Variants in TMTC1 observed in about 807,000 individuals in gnomAD.
TMTC1 encodes the protein transmembrane O-mannosyltransferase targeting cadherins 1, also known as protein O-mannosyl-transferase TMTC1.
TMTC1 carries 73 observed loss-of-function variants against 104.8 expected under a neutral mutation model. The ratio of observed to expected loss-of-function variants is 0.70; its 90% CI spans 0.58 to 0.85. TMTC1 has a LOEUF of 0.85. Ranked by LOEUF, TMTC1 falls within the 40% of genes least tolerant of loss-of-function variation. The probability of loss-of-function intolerance (pLI) is 0.00; values close to 1 mark genes in which losing one functional copy is unlikely to be tolerated. For synonymous variants in TMTC1, 434 were observed against 428.7 expected (o/e 1.01, Z -0.15); for missense variants, 1,035 against 1,096.1 (o/e 0.94, Z 0.79).
At chr12:29,633,412 T>C in intron 5 of TMTC1, 76 bp from the exon 6 acceptor site, 1 of 1,243,726 alleles carries the variant, frequency 8.0e-7, no homozygotes, top group Admixed American at 2.4e-5. Flanking sequence ...CACCATATTT[T>C]TATTAAATAG....
intron 5 of TMTC1, among the ~76,000 whole-genome samples, chr12:29,700,196 T>G (rs541179850): frequency 1.3e-5 from 2 of 150,850 alleles, no homozygotes; most frequent in Non-Finnish European, 3.0e-5. Flanking sequence ...TTACAGGCAC[T>G]CCCCACCATG....
At chr12:29,672,087 C>T (rs2136683658) in intron 5 of TMTC1, among the ~76,000 whole-genome samples, 1 of 152,256 alleles carries the variant, frequency 6.6e-6, no homozygotes, top group East Asian at 1.9e-4. Context: ...AAGTTCCAAT[C>T]CCTGGAAGCT....
intron 10 of TMTC1, among the ~76,000 whole-genome samples, chr12:29,554,726 C>T (rs2136250967): frequency 6.6e-6 from 1 of 152,114 alleles, no homozygotes; most frequent in Non-Finnish European, 1.5e-5. Flanking sequence ...AAAAGCTTAG[C>T]CAGCCATGGG....
chr12:29,612,960 G>A (rs1056402215), intron 6 of TMTC1, among the ~76,000 whole-genome samples: 13 of 152,134 alleles, frequency 8.5e-5, no homozygotes, highest in Non-Finnish European at 1.6e-4. Context: ...GACCACAGGG[G>A]TTCAATGAAT....
intron 5 of TMTC1, among the ~76,000 whole-genome samples, chr12:29,726,715 C>T (rs1364554997): frequency 6.6e-6 from 1 of 152,172 alleles, no homozygotes; most frequent in African/African-American, 2.4e-5. Context: ...TGGTTAAATG[C>T]TGGCCATACC....
chr12:29,695,989 A>T (rs540021755), intron 5 of TMTC1, among the ~76,000 whole-genome samples: 2 of 151,810 alleles, frequency 1.3e-5, no homozygotes, highest in Admixed American at 1.3e-4. Context: ...GAATTTTCCA[A>T]ATTTTTCTCT....
chr12:29,620,388 C>T (rs1947099603), intron 6 of TMTC1, among the ~76,000 whole-genome samples: 1 of 152,092 alleles, frequency 6.6e-6, no homozygotes, highest in African/African-American at 2.4e-5. Flanking sequence ...ACTCAACATG[C>T]ATGCAGGAGC....
chr12:29,689,371 G>A (rs1941195749), intron 5 of TMTC1, among the ~76,000 whole-genome samples: 1 of 152,030 alleles, frequency 6.6e-6, no homozygotes, highest in African/African-American at 2.4e-5. Context: ...CTGGAGTGCA[G>A]TGGCATGATA....
chr12:29,599,954 ATG>A lies in TMTC1; in HGVS notation c.1250+4222_1250+4223del, dbSNP rs1205576166. Reference sequence around the variant, plus strand: ...TGTATATATATGTGTGTGTATATATATGTGTATATATATATGTGTGTGTGTGT... The same window carrying A: ...TGTATATATATGTGTGTGTATATATATGTATATATATATGTGTGTGTGTGT... On this transcript the variant is annotated intron_variant, in intron 7 of 17. Transcript: ENST00000539277. 4.2e-5 allele frequency among the ~76,000 whole-genome samples: 6 copies of A among 144,538 alleles called. No homozygotes were observed. The East Asian group carries it at 1.0e-3, about 24-fold the overall frequency. 94.8% of individuals were successfully genotyped at this position (144,538 alleles called of 152,430 possible).
intron 7 of TMTC1, among the ~76,000 whole-genome samples, chr12:29,600,897 T>A (rs1443248378): frequency 6.6e-6 from 1 of 152,294 alleles, no homozygotes; most frequent in South Asian, 2.1e-4. Context: ...GTGATAATGC[T>A]GCAAGGCATA....
At chr12:29,638,097 G>A (rs1591839017) in intron 5 of TMTC1, among the ~76,000 whole-genome samples, 1 of 152,024 alleles carries the variant, frequency 6.6e-6, no homozygotes, top group South Asian at 2.1e-4. Context: ...GGGGTCCCTG[G>A]CTAGGGCTCT....
rs369756143 is a variant in TMTC1 at position 29,738,564 on chromosome 12, C to A, written c.938+13102G>T. ...CCAGAAAAAGATATTTACTTCACATCTGCTCATTTTCTTTGCCAAGAAGAA... is the reference window on the plus strand; with the variant it reads ...CCAGAAAAAGATATTTACTTCACATATGCTCATTTTCTTTGCCAAGAAGAA... On this transcript the variant is annotated intron_variant, in intron 5 of 17. Coordinates refer to ENST00000539277, the MANE Select transcript of TMTC1 (RefSeq NM_001193451.2). 5.9e-5 allele frequency among the ~76,000 whole-genome samples: 9 copies of A among 152,314 alleles called. 1 individual carries two copies. The East Asian group carries it at 1.7e-3, about 29-fold the overall frequency.
At chr12:29,650,191 TCTC>T (rs1194892463) in intron 5 of TMTC1, among the ~76,000 whole-genome samples, 1 of 151,974 alleles carries the variant, frequency 6.6e-6, no homozygotes, top group Non-Finnish European at 1.5e-5. Flanking sequence ...TTCAAGCCAT[TCTC>T]CTGCCTCAGC....
chr12:29,591,619 A>G (rs952314222), intron 7 of TMTC1, among the ~76,000 whole-genome samples: 1 of 152,222 alleles, frequency 6.6e-6, no homozygotes, highest in Admixed American at 6.5e-5. Flanking sequence ...TGACACTCAG[A>G]GACACCTCTC....
chr12:29,564,123 G>A (rs150467171), intron 9 of TMTC1, among the ~76,000 whole-genome samples: 8 of 152,324 alleles, frequency 5.3e-5, no homozygotes, highest in African/African-American at 1.9e-4. Context: ...ATTTTATTCT[G>A]GCTGAAGCAG....
At chr12:29,740,914 CAT>C (rs1273635214) in intron 5 of TMTC1, among the ~76,000 whole-genome samples, 1 of 152,212 alleles carries the variant, frequency 6.6e-6, no homozygotes, top group Admixed American at 6.5e-5. Flanking sequence ...GTGTTCAACA[CAT>C]GTCCTCAAGT....
In TMTC1 at chr12:29,693,205, G is replaced by C. The variant is rs1941315971; in HGVS notation, c.938+58461C>G. Among the ~76,000 whole-genome samples the C allele has an allele frequency of 1.4e-5, 2 of 144,464 alleles. 1 individual carries two copies. Among genetic ancestry groups the C allele is most frequent in the Non-Finnish European group, 3.0e-5 (2 of 66,064 alleles). The allele number at this position is 144,464 out of a possible 152,430, so 94.8% of individuals were successfully genotyped here. Reference sequence around the variant, plus strand: ...TGTACTGATCAAATCAGCTGTAAAAGTTTTGAAAATGTTCAAAGTTCTTGT... The same window carrying C: ...TGTACTGATCAAATCAGCTGTAAAACTTTTGAAAATGTTCAAAGTTCTTGT... On this transcript the variant is annotated intron_variant, in intron 5 of 17. Transcript: ENST00000539277.
Position 29,650,915 on chromosome 12 carries a change from A to T in TMTC1, c.939-17579T>A, listed in dbSNP as rs1463091397. Among the ~76,000 whole-genome samples the T allele has an allele frequency of 2.0e-5, 3 of 152,258 alleles. No homozygotes were observed. In the South Asian group the frequency reaches 6.2e-4, roughly 32 times the overall value. On this transcript the variant is annotated intron_variant, in intron 5 of 17. Coordinates refer to ENST00000539277, the MANE Select transcript of TMTC1 (RefSeq NM_001193451.2). Reference sequence around the variant, plus strand: ...AAAAGCTAGACCTGGAATTTCCCTCAGAAAGAAAACGATCTTCTTCAACAT... The same window carrying T: ...AAAAGCTAGACCTGGAATTTCCCTCTGAAAGAAAACGATCTTCTTCAACAT...
At chr12:29,663,416 C>T (rs1940124543) in intron 5 of TMTC1, among the ~76,000 whole-genome samples, 1 of 152,106 alleles carries the variant, frequency 6.6e-6, no homozygotes, top group Non-Finnish European at 1.5e-5. Flanking sequence ...CCTCAAGTTC[C>T]CTCTGTTGCC....
Sources: gnomAD v4.1 joint callset for allele counts (sites outside exome capture counted in the v4.1 genomes callset) on GRCh38, gnomAD v4.1.1 for gene constraint, MANE v1.5 for transcripts, NCBI Gene and HGNC (gene_info 2026-07-23, HGNC 2026-07-21) for gene names.